The following HFM1 variants were observed in gnomAD, a reference collection of about 807,000 sequenced individuals.
HFM1 encodes the protein probable ATP-dependent DNA helicase HFM1.
In HFM1, 169 loss-of-function variants were observed where a neutral mutation model predicts 192.1. The observed-to-expected ratio is 0.88, with a 90% CI of 0.78 to 1.00. The LOEUF (loss-of-function observed/expected upper bound fraction) is 1.00, where lower values mean the gene tolerates loss of function less well. Among genes scored for constraint, HFM1 ranks in the 50% least tolerant of loss-of-function variants. The pLI is 0.00. For missense variants in HFM1, 1,661 were observed against 1,668.0 expected, an observed-to-expected ratio of 1.00 and a Z score of 0.07; for synonymous variants, 525 against 537.8, an observed-to-expected ratio of 0.98 and a Z score of 0.33.
intron 34 of HFM1, among the ~76,000 whole-genome samples, chr1:91,271,462 T>C (rs750377692): frequency 5.8e-4 from 88 of 152,040 alleles, no homozygotes; most frequent in Non-Finnish European, 1.1e-3. Context: ...TTATCATTTA[T>C]AATAAAAAAG....
intron 13 of HFM1, among the ~76,000 whole-genome samples, chr1:91,371,248 G>C (rs1164896656): frequency 6.6e-6 from 1 of 151,336 alleles, no homozygotes; most frequent in South Asian, 2.1e-4. Context: ...CTACTTTAAA[G>C]TTCACATGGA....
chr1:91,264,481 T>G (rs1193237318), intron 36 of HFM1, among the ~76,000 whole-genome samples: 1 of 140,636 alleles, frequency 7.1e-6, no homozygotes, highest in African/African-American at 2.6e-5. Flanking sequence ...CACGCCATTC[T>G]CCTGCCTCAG....
At position 91,328,515 on chromosome 1, in the gene HFM1, T is replaced by G. The variant is rs1653278752; in HGVS notation, c.2336-3749A>C. 4 of 1,613,384 alleles carry G rather than the reference T, an allele frequency of 2.5e-6. No individual in the cohort carries two copies. In the East Asian group the frequency reaches 8.9e-5, roughly 36 times the overall value. ...TGAGCACTTATCAGTTCCTGATTGC[T>G]GTTCGCCAGGGTGGGGATGTGCTGC... On this transcript the variant is annotated intron_variant, in intron 20 of 38. Transcript: ENST00000370425.
intron 2 of HFM1, among the ~76,000 whole-genome samples, chr1:91,396,654 T>C (rs1377897068): frequency 6.6e-6 from 1 of 152,176 alleles, no homozygotes; most frequent in Non-Finnish European, 1.5e-5. Flanking sequence ...TTTTCTCCAA[T>C]TCAAATGCCA....
chr1:91,357,004 A>G (rs1041382346), intron 13 of HFM1, among the ~76,000 whole-genome samples: 1 of 152,226 alleles, frequency 6.6e-6, no homozygotes, highest in Non-Finnish European at 1.5e-5. Flanking sequence ...AGACAGCATC[A>G]CAACTGAATT....
intron 15 of HFM1, among the ~76,000 whole-genome samples, 161 bp from the exon 16 acceptor site, chr1:91,352,812 A>C (rs1191211835): frequency 6.6e-6 from 1 of 151,918 alleles, no homozygotes; most frequent in Non-Finnish European, 1.5e-5. Flanking sequence ...ACACACCTTA[A>C]ATCCAAAAAC....
At chr1:91,281,074 C>T (rs1166021690) in intron 30 of HFM1, among the ~76,000 whole-genome samples, 2 of 152,084 alleles carry the variant, frequency 1.3e-5, no homozygotes, top group Non-Finnish European at 2.9e-5. Context: ...TTGTGAAAAA[C>T]GTCACCATAT....
At chr1:91,306,388 G>A (rs544730184) in intron 30 of HFM1, among the ~76,000 whole-genome samples, 6 of 152,152 alleles carry the variant, frequency 3.9e-5, no homozygotes, top group Admixed American at 1.3e-4. Context: ...AGTTTGCTAA[G>A]AGTTTTTTTA....
chr1:91,336,508 C>T (rs1192771366), intron 20 of HFM1, among the ~76,000 whole-genome samples: 1 of 152,076 alleles, frequency 6.6e-6, no homozygotes, highest in Non-Finnish European at 1.5e-5. Flanking sequence ...TTTAGTGACT[C>T]TTCCAGACTA....
At chr1:91,292,458 T>A (rs1251755762) in intron 30 of HFM1, among the ~76,000 whole-genome samples, 6 of 147,570 alleles carry the variant, frequency 4.1e-5, no homozygotes, top group Non-Finnish European at 7.5e-5. Flanking sequence ...CACAATTGCT[T>A]CAAAGAGAAT....
chr1:91,300,758 T>G (rs1245467743), intron 30 of HFM1, among the ~76,000 whole-genome samples: 1 of 152,152 alleles, frequency 6.6e-6, no homozygotes, highest in Non-Finnish European at 1.5e-5. Flanking sequence ...AAACTCTCAA[T>G]AAATTAGTTA....
intron 23 of HFM1, 57 bp downstream of exon 23, chr1:91,322,893 T>C (rs754040675): frequency 4.0e-5 from 32 of 804,310 alleles, no homozygotes; most frequent in Non-Finnish European, 4.8e-5. Flanking sequence ...GAAAAACAAA[T>C]TAAAAATGTT....
At position 91,263,797 on chromosome 1, in the gene HFM1, C is replaced by G; in HGVS notation, c.3975-1205G>C. Among the ~76,000 whole-genome samples the G allele has an allele frequency of 2.6e-5, 4 of 152,288 alleles. No homozygotes were observed. The Middle Eastern group carries it at 0.014, about 518-fold the overall frequency. ...GTCCCACAGGCCTTTTCCCCAGCAG[C>G]AACTTCTACACCAGGTTCTCAGAGG... On this transcript the variant is annotated intron_variant, in intron 36 of 38. Transcript: ENST00000370425.
In HFM1 at chr1:91,298,384, A is replaced by G. The variant is rs573692331; in HGVS notation, c.3391+14965T>C. ...GCTCTGCAGGATATTATCCAGGAGA[A>G]CTTCCCCAATCTAGCAAGGCAGGCC... is the stretch of plus-strand genomic sequence containing the variant. On this transcript the variant is annotated intron_variant, in intron 30 of 38. Coordinates refer to ENST00000370425, the MANE Select transcript of HFM1 (RefSeq NM_001017975.6). Among the ~76,000 whole-genome samples the G allele has an allele frequency of 3.9e-5, 6 of 152,348 alleles. No homozygotes were observed. The East Asian group carries it at 9.6e-4, about 24-fold the overall frequency.
At chr1:91,288,735 T>C (rs933198378) in intron 30 of HFM1, among the ~76,000 whole-genome samples, 3 of 152,240 alleles carry the variant, frequency 2.0e-5, no homozygotes, top group African/African-American at 7.2e-5. Flanking sequence ...AGATGAATTT[T>C]TCTTAGTACA....
intron 30 of HFM1, among the ~76,000 whole-genome samples, chr1:91,301,345 A>G (rs933814423): frequency 2.1e-5 from 3 of 143,364 alleles, no homozygotes; most frequent in African/African-American, 7.8e-5. Flanking sequence ...TATCATGAAA[A>G]TGGCCATACT....
In HFM1 at chr1:91,319,335, C is replaced by T; in HGVS notation, c.2638G>A (p.Asp880Asn). ...CCATGTCTGAAAATCTTTGCGGTATCTTGTGTCAAAGCAAAATCTTGTATG... is the reference window on the plus strand; with the variant it reads ...CCATGTCTGAAAATCTTTGCGGTATTTTGTGTCAAAGCAAAATCTTGTATG... ...IPIQDFALTQ[D>N]TAKIFRHGSR... Residue 880 changes from aspartate to asparagine, a missense_variant, in exon 24 of 39, where the codon GAT (aspartate) becomes AAT (asparagine). Physicochemically the swap from Asp to Asn is conservative, Grantham distance 23 (BLOSUM62 1). Coordinates refer to ENST00000370425, the MANE Select transcript of HFM1 (RefSeq NM_001017975.6). 1.2e-6 allele frequency: 2 copies of T among 1,612,908 alleles called. No homozygotes were observed. The highest frequency in any genetic ancestry group is 1.3e-5 in the African/African-American group (1 of 74,956).
intron 32 of HFM1, 108 bp downstream of exon 32, chr1:91,276,520 C>T (rs1242154128): frequency 1.8e-5 from 8 of 456,558 alleles, no homozygotes; most frequent in South Asian, 6.7e-5. Context: ...TAGTCAAGCC[C>T]ACAAGTAATT....
At chr1:91,334,541 A>G (rs1188486810) in intron 20 of HFM1, among the ~76,000 whole-genome samples, 1 of 152,174 alleles carries the variant, frequency 6.6e-6, no homozygotes, top group African/African-American at 2.4e-5. Context: ...GAGTCTGAAA[A>G]TAAGTTATTC....
Sources: gnomAD v4.1 joint callset for allele counts (sites outside exome capture counted in the v4.1 genomes callset) on GRCh38, gnomAD v4.1.1 for gene constraint, MANE v1.5 for transcripts, NCBI Gene and HGNC (gene_info 2026-07-23, HGNC 2026-07-21) for gene names.